The following DIPK2A variants were observed in gnomAD, a reference collection of about 807,000 sequenced individuals.
DIPK2A encodes the protein Golgi Protein of 49 kDa.
DIPK2A carries 27 observed loss-of-function variants against 39.0 expected under a neutral mutation model. The ratio of observed to expected loss-of-function variants is 0.69; its 90% confidence interval spans 0.51 to 0.96. The LOEUF (loss-of-function observed/expected upper bound fraction) is 0.96. Among genes scored for constraint, DIPK2A ranks in the 40% least tolerant of loss-of-function variants. The pLI is 0.00. For missense variants in DIPK2A, 528 were observed against 571.3 expected, an observed-to-expected ratio of 0.92 and a Z score of 0.77; for synonymous variants, 298 against 240.8, an observed-to-expected ratio of 1.24 and a Z score of -2.20.
At chr3:143,978,831 A>G (rs1049553394) in intron 1 of DIPK2A, among the ~76,000 whole-genome samples, 26 of 151,742 alleles carry the variant, frequency 1.7e-4, no homozygotes, top group African/African-American at 5.8e-4. Flanking sequence ...CAGTATTGAT[A>G]GAGCATCCAT....
At chr3:143,976,158 CT>C (rs954124425) in intron 1 of DIPK2A, among the ~76,000 whole-genome samples, 4 of 151,970 alleles carry the variant, frequency 2.6e-5, no homozygotes, top group African/African-American at 9.7e-5. Flanking sequence ...GAGAGTATGG[CT>C]TTCTTCTTAT....
intron 1 of DIPK2A, among the ~76,000 whole-genome samples, chr3:143,983,165 C>T (rs1270548116): frequency 3.9e-5 from 6 of 152,170 alleles, no homozygotes; most frequent in Non-Finnish European, 5.9e-5. Flanking sequence ...ATTAGACAAA[C>T]GAGACAGAAA....
chr3:143,980,971 C>T (rs995930700), intron 1 of DIPK2A, among the ~76,000 whole-genome samples: 2 of 152,076 alleles, frequency 1.3e-5, no homozygotes, highest in African/African-American at 2.4e-5. Flanking sequence ...TTTAAGTAGA[C>T]TCTATTTTAA....
intron 1 of DIPK2A, among the ~76,000 whole-genome samples, chr3:143,984,144 G>C (rs184258626): frequency 1.8e-4 from 28 of 152,258 alleles, no homozygotes; most frequent in African/African-American, 6.5e-4. Flanking sequence ...TTGGGTATTG[G>C]CTTAAGGGAA....
chr3:143,988,522 A>T (rs930713818), intron 2 of DIPK2A, among the ~76,000 whole-genome samples: 2 of 151,904 alleles, frequency 1.3e-5, no homozygotes, highest in Admixed American at 1.3e-4. Context: ...GGGCATTCCC[A>T]GTTTCCTCTT....
chr3:143,983,446 C>T (rs932119599), intron 1 of DIPK2A, among the ~76,000 whole-genome samples: 2 of 152,114 alleles, frequency 1.3e-5, no homozygotes, highest in South Asian at 4.1e-4. Context: ...ACAGCCTGCT[C>T]CAGAATGACT....
At chr3:143,980,570 T>C (rs1374847116) in intron 1 of DIPK2A, among the ~76,000 whole-genome samples, 11 of 152,134 alleles carry the variant, frequency 7.2e-5, no homozygotes, top group Non-Finnish European at 1.5e-4. Context: ...GCCTGGCCCC[T>C]TTAAGCATTT....
chr3:143,972,405 TTGGTGCTGA>T lies in DIPK2A; in HGVS notation c.82_90del (p.Met28_Leu30del), dbSNP rs2087663555. 2.0e-6 allele frequency: 3 copies of T among 1,500,566 alleles called. No homozygotes were observed. Among genetic ancestry groups the T allele is most frequent in the Non-Finnish European group, 2.7e-6 (3 of 1,122,072 alleles). The allele number at this position is 1,500,566 out of a possible 1,614,324, so 93.0% of individuals were successfully genotyped here. A position where few individuals can be genotyped will look rare whatever the true frequency, so the allele number is the denominator to read the frequency against. ...GAAGCTGGCGGCGCTGGGCAGCCTG[TTGGTGCTGA>T]TGGTGCTGCACTCGCCGTCGCTGCT... On this transcript the variant is annotated inframe_deletion, in exon 1 of 3. Coordinates refer to ENST00000315691, the MANE Select transcript of DIPK2A (RefSeq NM_173552.5).
In DIPK2A at chr3:143,986,885, C is replaced by T. The variant is rs541472806; in HGVS notation, c.961+1039C>T. On this transcript the variant is annotated intron_variant, in intron 2 of 2. Transcript: ENST00000315691. The stretch of plus-strand genomic sequence containing the variant: ...ATATTTTTTAATCCCCTCTTTCCCC[C>T]TGATAAAAGTAATATGAGTATCTTT... 8.6e-5 allele frequency among the ~76,000 whole-genome samples: 13 copies of T among 152,006 alleles called. No homozygotes were observed. The South Asian group carries it at 2.7e-3, about 32-fold the overall frequency.
In DIPK2A at chr3:143,985,837, A is replaced by G. The variant is rs2087891423; in HGVS notation, c.952A>G (p.Ile318Val). Residue 318 changes from isoleucine (I) to valine (V), a missense_variant, in exon 2 of 3, where the codon ATT (isoleucine) becomes GTT (valine). Physicochemically the swap from Ile to Val is conservative, Grantham distance 29. Coordinates refer to ENST00000315691, the MANE Select transcript of DIPK2A (RefSeq NM_173552.5). ...TGTTTTGGTTGCTGACAAAAGATTA[A>G]TTAGACAAAGTAAGTATATAATTTT... ...ENVLVADKRLIRQNKPENWDV... is the reference protein window; with the variant it reads ...ENVLVADKRLVRQNKPENWDV... 1.9e-6 allele frequency: 3 copies of G among 1,610,594 alleles called. No homozygotes were observed. The highest frequency in any genetic ancestry group is 2.5e-6 in the Non-Finnish European group (3 of 1,177,904).
intron 2 of DIPK2A, among the ~76,000 whole-genome samples, chr3:143,989,114 T>C (rs979040360): frequency 6.6e-6 from 1 of 152,224 alleles, no homozygotes; most frequent in African/African-American, 2.4e-5. Context: ...TGCTATTTTT[T>C]CCTAGTTTCT....
chr3:143,978,632 A>ATATATATCTATATATATATATATATATC (rs2087771563), intron 1 of DIPK2A: 1 of 35,496 alleles, frequency 2.8e-5, no homozygotes, highest in African/African-American at 2.0e-4. Flanking sequence ...CTATATATAT[A>ATATATATCTATATATATATATATATATC]TATATATCTA....
chr3:143,985,560 A>T lies in DIPK2A; in HGVS notation c.675A>T (p.Glu225Asp). The T allele has an allele frequency of 6.2e-7, 1 of 1,613,716 alleles. No individual in the cohort carries two copies. The highest frequency in any genetic ancestry group is 8.5e-7 in the Non-Finnish European group (1 of 1,179,626). Residue 225 changes from glutamate to aspartate, a missense_variant, in exon 2 of 3, where the codon GAA becomes GAT. By Grantham distance (45) the Glu-to-Asp change is conservative. Around this residue, in one of 2 missense-constraint regions of DIPK2A, gnomAD observed 219 missense variants for 281.5 expected, o/e 0.78. Transcript: ENST00000315691. The stretch of plus-strand genomic sequence containing the variant: ...TTTTGTAGAGTTTTCCGTCTGATGA[A>T]GGTTGGCCATTTGCAAAGTATCTTG... ...PLVLQSFPSD[E>D]GWPFAKYLGA...
In DIPK2A at chr3:143,980,993, C is replaced by A. The variant is rs147775565; in HGVS notation, c.658-4550C>A. On this transcript the variant is annotated intron_variant, in intron 1 of 2. Transcript: ENST00000315691. ...AGACTCTATTTTAATCTATTAGTCT[C>A]ATGTCATTTATTTTTTGTAAGTAAA... Among the ~76,000 whole-genome samples the A allele has an allele frequency of 1.8e-4, 28 of 152,248 alleles. No individual in the cohort carries two copies. In the East Asian group the frequency reaches 5.4e-3, roughly 29 times the overall value.
chr3:143,980,557 C>T (rs201060257), intron 1 of DIPK2A, among the ~76,000 whole-genome samples: 3 of 152,200 alleles, frequency 2.0e-5, no homozygotes, highest in East Asian at 1.9e-4. Context: ...GTGAAGCCAC[C>T]GCGCCTGGCC....
intron 2 of DIPK2A, among the ~76,000 whole-genome samples, chr3:143,988,648 T>G (rs2087940569): frequency 6.6e-6 from 1 of 152,198 alleles, no homozygotes; most frequent in Non-Finnish European, 1.5e-5. Context: ...CCCTCTTACC[T>G]CAAAATCATA....
Position 143,972,210 on chromosome 3 carries a change from GC to G in DIPK2A, c.-119del. Reference sequence around the variant, plus strand: ...CTCTCACACACCTACTCCGCCCTCCGCCCCAGCCCGCGCGCTAGCTCCTTCT... The same window carrying G: ...CTCTCACACACCTACTCCGCCCTCCGCCCAGCCCGCGCGCTAGCTCCTTCT... On this transcript the variant is annotated 5_prime_UTR_variant, in exon 1 of 3. Transcript: ENST00000315691. 1.1e-6 allele frequency: 1 copy of G among 910,722 alleles called. No individual in the cohort carries two copies. Among genetic ancestry groups the G allele is most frequent in the Non-Finnish European group, 1.5e-6 (1 of 665,866 alleles). The allele number at this position is 910,722 out of a possible 1,614,324, so 56.4% of individuals were successfully genotyped here.
intron 2 of DIPK2A, 66 bp from the exon 3 acceptor site, chr3:143,989,444 A>G (rs1483765610): frequency 3.2e-6 from 3 of 932,968 alleles, no homozygotes; most frequent in East Asian, 2.6e-5. Flanking sequence ...GAAATATTCT[A>G]TTTTTGGAAG....
Position 143,985,750 on chromosome 3 carries a change from A to T in DIPK2A, c.865A>T (p.Ser289Cys). 1 of 1,614,204 alleles carries T rather than the reference A, an allele frequency of 6.2e-7. No individual in the cohort carries two copies. Among genetic ancestry groups the T allele is most frequent in the Non-Finnish European group, 8.5e-7 (1 of 1,180,018 alleles). The change falls in exon 2 of 3, where the codon AGC becomes TGC. Residue 289 changes from serine (S) to cysteine (C), a missense_variant. Ser to Cys is a moderately radical substitution (Grantham distance 112). This residue lies in a region of DIPK2A where 219 missense variants were observed against 281.5 expected (regional missense o/e 0.78). Transcript: ENST00000315691. Reference sequence around the variant, plus strand: ...ATTTGCACTCTACCTCCTGGACGTCAGCTTTGACAATTTTGCAGTTGGTCC... The same window carrying T: ...ATTTGCACTCTACCTCCTGGACGTCTGCTTTGACAATTTTGCAGTTGGTCC... ...FEFALYLLDV[S>C]FDNFAVGPRD...
Sources: allele counts gnomAD v4.1 joint callset (sites outside exome capture counted in the v4.1 genomes callset), GRCh38; gene constraint gnomAD v4.1.1; regional missense constraint gnomAD v4.1.1; transcripts MANE v1.5; gene names NCBI Gene and HGNC (gene_info 2026-07-23, HGNC 2026-07-21).